SLC25A40: variants seen among roughly 807,000 people sequenced by gnomAD.
SLC25A40 encodes mitochondrial glutathione transporter SLC25A40.
SLC25A40 carries 41 observed loss-of-function variants against 46.5 expected under a neutral mutation model. The observed-to-expected ratio is 0.88, with a 90% CI of 0.69 to 1.14. SLC25A40 has a LOEUF of 1.14. Ranked by LOEUF, SLC25A40 falls within the 50% of genes most tolerant of loss-of-function variation. SLC25A40 has a pLI of 0.00. For synonymous variants in SLC25A40, 126 were observed against 127.5 expected (o/e 0.99, Z 0.08); for missense variants, 386 against 393.6 (o/e 0.98, Z 0.16).
At position 87,836,194 on chromosome 7, in the gene SLC25A40, TAA is replaced by T. The variant is rs1220719687; in HGVS notation, c.*53_*54del. 3 of 1,037,278 alleles carry T rather than the reference TAA, an allele frequency of 2.9e-6. No individual in the cohort carries two copies. The highest frequency in any genetic ancestry group is 4.3e-6 in the Non-Finnish European group (3 of 691,122). 64.3% of individuals were successfully genotyped at this position (1,037,278 alleles called of 1,614,324 possible). A position where few individuals can be genotyped will look rare whatever the true frequency, so the allele number is the denominator to read the frequency against. ...AATAATGGTGAAAAACATTCTTGCC[TAA>T]GAGTCTCCATCTTCTTTGGCTATAG... is the stretch of plus-strand genomic sequence containing the variant. On this transcript the variant is annotated 3_prime_UTR_variant, in exon 12 of 12. Transcript: ENST00000341119.
At chr7:87,856,379 G>C in intron 3 of SLC25A40, 28 bp from the exon 4 acceptor site, 1 of 1,553,914 alleles carries the variant, frequency 6.4e-7, no homozygotes. Flanking sequence ...GTTTCAATTA[G>C]CGAGTGGTAT....
intron 5 of SLC25A40, among the ~76,000 whole-genome samples, chr7:87,850,695 C>G (rs1220044398): frequency 6.6e-6 from 1 of 151,244 alleles, no homozygotes; most frequent in Non-Finnish European, 1.5e-5. Flanking sequence ...TTCAGCCCAG[C>G]AGGGAGAGGC....
intron 9 of SLC25A40, 42 bp from the exon 10 acceptor site, chr7:87,841,756 AT>A: frequency 3.3e-6 from 4 of 1,209,684 alleles, no homozygotes; most frequent in South Asian, 1.8e-5. Flanking sequence ...CAACCTGTTA[AT>A]TTTTCCTAAA....
At chr7:87,860,541 T>C (rs939854170) in intron 2 of SLC25A40, 31 bp downstream of exon 2, 2 of 152,222 alleles carry the variant, frequency 1.3e-5, no homozygotes, top group Non-Finnish European at 2.9e-5. Flanking sequence ...AGTAATTTTA[T>C]TGATTCTTTA....
At position 87,873,577 on chromosome 7, in the gene SLC25A40, C is replaced by T. The variant is rs527802499; in HGVS notation, c.-94+2519G>A. 9.2e-5 allele frequency among the ~76,000 whole-genome samples: 14 copies of T among 151,964 alleles called. No individual in the cohort carries two copies. The South Asian group carries it at 1.9e-3, about 20-fold the overall frequency. On this transcript the variant is annotated intron_variant, in intron 1 of 11. Transcript: ENST00000341119. ...CCTCCTGAGTAGCTGGGGTTACAGG[C>T]GGGGACCACCATGCCCAGCTAATTT...
intron 8 of SLC25A40, among the ~76,000 whole-genome samples, chr7:87,845,614 G>C (rs956338856): frequency 6.6e-6 from 1 of 152,036 alleles, no homozygotes; most frequent in Non-Finnish European, 1.5e-5. Flanking sequence ...ACCAGTCCCT[G>C]GTGCCCAAAA....
At chr7:87,871,586 A>G (rs1453877123) in intron 1 of SLC25A40, among the ~76,000 whole-genome samples, 2 of 152,224 alleles carry the variant, frequency 1.3e-5, no homozygotes, top group African/African-American at 4.8e-5. Context: ...ATCTATTGAG[A>G]TGATACATAC....
chr7:87,844,670 A>G (rs142582517), intron 8 of SLC25A40, among the ~76,000 whole-genome samples: 2 of 152,262 alleles, frequency 1.3e-5, no homozygotes, highest in African/African-American at 2.4e-5. Context: ...AGCAGAATTT[A>G]TAACAGAATG....
Position 87,869,308 on chromosome 7 carries a change from T to C in SLC25A40, c.-94+6788A>G, listed in dbSNP as rs551938478. On this transcript the variant is annotated intron_variant, in intron 1 of 11. Coordinates refer to ENST00000341119, the MANE Select transcript of SLC25A40 (RefSeq NM_018843.4). ...TGGGGGGCCGAGTGAGGCAAACTGC[T>C]TGACCTCAGGAGTTTCAGACCAACC... 7.2e-5 allele frequency among the ~76,000 whole-genome samples: 11 copies of C among 152,242 alleles called. No individual in the cohort carries two copies. In the South Asian group the frequency reaches 1.9e-3, roughly 26 times the overall value.
intron 3 of SLC25A40, among the ~76,000 whole-genome samples, chr7:87,857,223 G>A (rs1238975967): frequency 6.6e-6 from 1 of 152,184 alleles, no homozygotes; most frequent in Non-Finnish European, 1.5e-5. Flanking sequence ...AACATAAATT[G>A]TGAAAATTCT....
At chr7:87,854,081 C>A in intron 5 of SLC25A40, 123 bp downstream of exon 5, 1 of 674,726 alleles carries the variant, frequency 1.5e-6, no homozygotes, top group East Asian at 2.9e-5. Flanking sequence ...GGGTTAAAAG[C>A]AAAGAAGTAG....
intron 10 of SLC25A40, among the ~76,000 whole-genome samples, chr7:87,838,140 C>T (rs902264495): frequency 6.6e-6 from 1 of 151,444 alleles, no homozygotes; most frequent in African/African-American, 2.4e-5. Flanking sequence ...CATAAACATA[C>T]TAACTACAGC....
At chr7:87,847,214 ATATTT>A in intron 7 of SLC25A40, 92 bp from the exon 8 acceptor site, 1 of 1,020,804 alleles carries the variant, frequency 9.8e-7, no homozygotes, top group Non-Finnish European at 1.3e-6. Flanking sequence ...CACAGATTTT[ATATTT>A]TAAACTTTTA....
At position 87,836,036 on chromosome 7, in the gene SLC25A40, G is replaced by T; in HGVS notation, c.*213C>A. The T allele has an allele frequency of 2.4e-6, 1 of 409,838 alleles. No individual in the cohort carries two copies. The allele number at this position is 409,838 out of a possible 1,614,324, so 25.4% of individuals were successfully genotyped here. ...TATTTTTACAAGAATGCTCAATGGT[G>T]GTGATTTCTAGAATATCTTTTTCAA... On this transcript the variant is annotated 3_prime_UTR_variant, in exon 12 of 12. Coordinates refer to ENST00000341119, the MANE Select transcript of SLC25A40 (RefSeq NM_018843.4).
At chr7:87,875,756 A>G (rs951314779) in intron 1 of SLC25A40, among the ~76,000 whole-genome samples, 4 of 152,224 alleles carry the variant, frequency 2.6e-5, no homozygotes, top group African/African-American at 9.6e-5. Context: ...CAAATAGCCA[A>G]CTACCCAAGG....
At chr7:87,847,601 C>G (rs186393376) in intron 7 of SLC25A40, among the ~76,000 whole-genome samples, 257 of 152,218 alleles carry the variant, frequency 1.7e-3, no homozygotes, top group African/African-American at 6.1e-3. Context: ...AAATCAGAAC[C>G]AACTCTGATG....
chr7:87,864,914 T>C (rs1785656648), intron 1 of SLC25A40, among the ~76,000 whole-genome samples: 1 of 152,102 alleles, frequency 6.6e-6, no homozygotes, highest in South Asian at 2.1e-4. Flanking sequence ...TGTTTTCCTT[T>C]GTGGCTAAGT....
At chr7:87,837,444 G>A (rs543581062) in intron 10 of SLC25A40, among the ~76,000 whole-genome samples, 4 of 150,980 alleles carry the variant, frequency 2.6e-5, no homozygotes, top group African/African-American at 7.3e-5. Context: ...GAATGGATAC[G>A]CTATTCTTGA....
Position 87,835,573 on chromosome 7 carries a change from AAT to A in SLC25A40, c.*674_*675del, listed in dbSNP as rs1838246463. On this transcript the variant is annotated 3_prime_UTR_variant, in exon 12 of 12. Coordinates refer to ENST00000341119, the MANE Select transcript of SLC25A40 (RefSeq NM_018843.4). ...CTCCCTCTCTTACAGGAATGGCAGA[AAT>A]ATAGACATTTAGTCATCAAAAATGG... is the stretch of plus-strand genomic sequence containing the variant. The A allele has an allele frequency of 1.3e-5, 2 of 151,624 alleles. No homozygotes were observed. The highest frequency in any genetic ancestry group is 1.3e-4 in the Admixed American group (2 of 15,142). 9.4% of individuals were successfully genotyped at this position (151,624 alleles called of 1,614,324 possible).
Sources: allele counts gnomAD v4.1 joint callset (sites outside exome capture counted in the v4.1 genomes callset), GRCh38; gene constraint gnomAD v4.1.1; transcripts MANE v1.5; gene names NCBI Gene and HGNC (gene_info 2026-07-23, HGNC 2026-07-21).